BBS2: variants seen among roughly 807,000 people sequenced by gnomAD.
BBS2 encodes the protein BBSome complex member BBS2.
BBS2 carries 62 observed loss-of-function variants against 83.0 expected under a neutral mutation model. The observed-to-expected ratio is 0.75, with a 90% CI of 0.61 to 0.92. The LOEUF (loss-of-function observed/expected upper bound fraction) is 0.92. Ranked by LOEUF, BBS2 falls within the 40% of genes least tolerant of loss-of-function variation. The probability of loss-of-function intolerance (pLI) is 0.00; values close to 1 mark genes in which losing one functional copy is unlikely to be tolerated. For missense variants in BBS2, 784 were observed against 901.0 expected, an observed-to-expected ratio of 0.87 and a Z score of 1.66; for synonymous variants, 303 against 326.1, an observed-to-expected ratio of 0.93 and a Z score of 0.76.
intron 13 of BBS2, 39 bp downstream of exon 13, chr16:56,498,398 T>C (rs1379965258): frequency 5.0e-6 from 8 of 1,610,766 alleles, no homozygotes; most frequent in Non-Finnish European, 6.8e-6. Context: ...ATAAATAAAT[T>C]CAAAAAAGAA....
chr16:56,484,910 T>C, intron 16 of BBS2, 43 bp from the exon 17 acceptor site: 1 of 1,469,664 alleles, frequency 6.8e-7, no homozygotes, highest in Non-Finnish European at 9.5e-7. Flanking sequence ...TTGTTAGACA[T>C]GAAATTATAA....
intron 12 of BBS2, 86 bp from the exon 13 acceptor site, chr16:56,498,654 G>A: frequency 6.3e-7 from 1 of 1,599,580 alleles, no homozygotes; most frequent in Non-Finnish European, 8.5e-7. Flanking sequence ...TGAAGGTACA[G>A]CCATTCTTGA....
chr16:56,515,055 A>G (rs1483088348), intron 1 of BBS2, among the ~76,000 whole-genome samples: 1 of 152,232 alleles, frequency 6.6e-6, no homozygotes, highest in African/African-American at 2.4e-5. Context: ...CAAGAAGATC[A>G]TGGAAAACAG....
chr16:56,480,353 A>AAAAAAAAAAAAC (rs1555519774), downstream of BBS2, among the ~76,000 whole-genome samples: 31 of 98,750 alleles, frequency 3.1e-4, no homozygotes, highest in African/African-American at 1.4e-3. Flanking sequence ...ACACACACAC[A>AAAAAAAAAAAAC]AAAAAAAAAA....
chr16:56,501,234 C>G, intron 10 of BBS2, 119 bp downstream of exon 10: 1 of 1,416,026 alleles, frequency 7.1e-7, no homozygotes, highest in Non-Finnish European at 9.9e-7. Context: ...GGCATGAACC[C>G]GGGAGGCAGA....
chr16:56,500,002 A>G lies in BBS2; in HGVS notation c.1398-95T>C, dbSNP rs1372280488. ...AAAATAAAGCCACTTCTGGGTCATC[A>G]ATTGATATTTAAGGGTTTCACTTAA... On this transcript the variant is annotated intron_variant, in intron 11 of 16. Coordinates refer to ENST00000245157, the MANE Select transcript of BBS2 (RefSeq NM_031885.5). 11 of 1,476,328 alleles carry G rather than the reference A, an allele frequency of 7.5e-6. No homozygotes were observed. In the African/African-American group the frequency reaches 1.4e-4, roughly 19 times the overall value. The allele number at this position is 1,476,328 out of a possible 1,614,324, so 91.5% of individuals were successfully genotyped here.
chr16:56,492,224 C>G (rs909641797), intron 15 of BBS2, among the ~76,000 whole-genome samples: 2 of 152,066 alleles, frequency 1.3e-5, no homozygotes, highest in Non-Finnish European at 2.9e-5. Flanking sequence ...CGTTCATCAC[C>G]ACACTATTTA....
intron 15 of BBS2, among the ~76,000 whole-genome samples, chr16:56,488,343 T>C (rs1395914659): frequency 6.6e-6 from 1 of 152,182 alleles, no homozygotes; most frequent in African/African-American, 2.4e-5. Context: ...CAGATACATA[T>C]CACAAGTTCA....
chr16:56,511,523 G>C (rs1964576366), intron 2 of BBS2, among the ~76,000 whole-genome samples: 1 of 152,048 alleles, frequency 6.6e-6, no homozygotes, highest in South Asian at 2.1e-4. Flanking sequence ...GGACTTAATA[G>C]AAAAAAGACT....
At chr16:56,488,894 G>T (rs1963862070) in intron 15 of BBS2, among the ~76,000 whole-genome samples, 1 of 152,180 alleles carries the variant, frequency 6.6e-6, no homozygotes. Flanking sequence ...GAGTTATTAT[G>T]TCAGGAAACA....
intron 17 of BBS2, among the ~76,000 whole-genome samples, chr16:56,472,140 T>G (rs1433412951): frequency 1.3e-5 from 2 of 152,004 alleles, no homozygotes; most frequent in African/African-American, 4.8e-5. Context: ...TTTCTTGATT[T>G]TTTTTTTTTT....
chr16:56,512,724 A>G (rs1261241674), intron 2 of BBS2, among the ~76,000 whole-genome samples: 1 of 152,210 alleles, frequency 6.6e-6, no homozygotes, highest in African/African-American at 2.4e-5. Flanking sequence ...GGGTACAACA[A>G]TATTTTCTGA....
downstream of BBS2, among the ~76,000 whole-genome samples, chr16:56,479,366 T>C (rs1393572167): frequency 6.6e-6 from 1 of 152,050 alleles, no homozygotes; most frequent in East Asian, 1.9e-4. Flanking sequence ...CCCAGGTACT[T>C]GGGAGGCTGA....
chr16:56,493,467 G>A (rs1336420116), intron 15 of BBS2, among the ~76,000 whole-genome samples: 2 of 151,732 alleles, frequency 1.3e-5, no homozygotes, highest in Non-Finnish European at 2.9e-5. Flanking sequence ...ATGAAGAGGG[G>A]TGTGTGTGTA....
At chr16:56,490,038 G>A (rs1963898588) in intron 15 of BBS2, among the ~76,000 whole-genome samples, 1 of 151,780 alleles carries the variant, frequency 6.6e-6, no homozygotes, top group Non-Finnish European at 1.5e-5. Flanking sequence ...GATAACTTGA[G>A]CCCAGGAGAT....
At chr16:56,499,673 A>C (rs1964205040) in intron 12 of BBS2, 105 bp downstream of exon 12, 2 of 1,487,424 alleles carry the variant, frequency 1.3e-6, no homozygotes, top group East Asian at 4.6e-5. Flanking sequence ...TATCATATTT[A>C]CTGCTACCAA....
chr16:56,514,001 G>C (rs1247685722), intron 2 of BBS2, among the ~76,000 whole-genome samples: 1 of 152,178 alleles, frequency 6.6e-6, no homozygotes, highest in Non-Finnish European at 1.5e-5. Flanking sequence ...GAAAAAATAG[G>C]TGTAATTTCT....
rs199528619 is a variant in BBS2 at position 56,500,820 on chromosome 16, G to A, written c.1397+34C>T. On this transcript the variant is annotated intron_variant, in intron 11 of 16. Coordinates refer to ENST00000245157, the MANE Select transcript of BBS2 (RefSeq NM_031885.5). ...TACATCTTGCCCTCCTCTAAGTGCT[G>A]TCCTGAAATGAACTGTGACTTGCAA... The A allele has an allele frequency of 2.5e-6, 4 of 1,610,510 alleles. No homozygotes were observed. The East Asian group carries it at 8.9e-5, about 36-fold the overall frequency.
intron 2 of BBS2, among the ~76,000 whole-genome samples, chr16:56,511,719 A>T (rs1041026892): frequency 6.6e-6 from 1 of 152,268 alleles, no homozygotes; most frequent in South Asian, 2.1e-4. Flanking sequence ...TACATGTCCT[A>T]TTGGTTCTGT....
Sources: gnomAD v4.1 joint callset for allele counts (sites outside exome capture counted in the v4.1 genomes callset) on GRCh38, gnomAD v4.1.1 for gene constraint, MANE v1.5 for transcripts, NCBI Gene and HGNC (gene_info 2026-07-23, HGNC 2026-07-21) for gene names.